The following FCAR variants were observed in gnomAD, a reference collection of about 807,000 sequenced individuals.
The protein encoded by FCAR is immunoglobulin alpha Fc receptor.
A neutral mutation model predicts 27.1 loss-of-function variants in FCAR; 21 were observed. That is an observed-to-expected ratio of 0.77 (90% CI 0.55 to 1.11). The LOEUF is 1.11. FCAR is among the 50% of genes most tolerant of loss of function. The pLI is 0.00. For synonymous variants in FCAR, 134 were observed against 135.8 expected (o/e 0.99, Z 0.09); for missense variants, 404 against 358.4 (o/e 1.13, Z -1.03).
chr19:54,883,574 C>T (rs1269769797), intron 2 of FCAR, among the ~76,000 whole-genome samples: 1 of 152,168 alleles, frequency 6.6e-6, no homozygotes, highest in Non-Finnish European at 1.5e-5. Flanking sequence ...GAGGGCTCCT[C>T]ACGGCTTGGT....
At chr19:54,887,067 G>A (rs2066774806) in intron 3 of FCAR, among the ~76,000 whole-genome samples, 1 of 108,632 alleles carries the variant, frequency 9.2e-6, no homozygotes, top group Non-Finnish European at 2.0e-5. Context: ...TGTAATCCCA[G>A]CACTTTGAGA....
chr19:54,875,039 C>T (rs1411214423), intron 1 of FCAR, among the ~76,000 whole-genome samples: 4 of 151,974 alleles, frequency 2.6e-5, no homozygotes, highest in Admixed American at 6.6e-5. Flanking sequence ...GGCGTGGTGG[C>T]GGGCGCCTGT....
chr19:54,882,737 C>G (rs937827616), intron 2 of FCAR, among the ~76,000 whole-genome samples: 2 of 152,080 alleles, frequency 1.3e-5, no homozygotes, highest in South Asian at 4.1e-4. Context: ...CCGCGCCCGG[C>G]CTTGGTGTTG....
intron 4 of FCAR, 132 bp downstream of exon 4, chr19:54,888,426 G>A: frequency 6.9e-7 from 1 of 1,452,420 alleles, no homozygotes; most frequent in Non-Finnish European, 9.1e-7. Context: ...ACAGTGGAGA[G>A]AGAAAGGCTT....
intron 4 of FCAR, 134 bp downstream of exon 4, chr19:54,888,428 G>T: frequency 6.9e-7 from 1 of 1,450,952 alleles, no homozygotes; most frequent in Non-Finnish European, 9.1e-7. Context: ...AGTGGAGAGA[G>T]AAAGGCTTCC....
intron 3 of FCAR, among the ~76,000 whole-genome samples, chr19:54,886,313 T>A (rs2066724759): frequency 7.2e-6 from 1 of 138,616 alleles, no homozygotes; most frequent in South Asian, 2.4e-4. Context: ...TTTTTTTTTT[T>A]TTTTTTTTTT....
intron 2 of FCAR, among the ~76,000 whole-genome samples, chr19:54,881,672 A>G (rs1375250905): frequency 1.3e-5 from 2 of 151,996 alleles, no homozygotes; most frequent in Non-Finnish European, 2.9e-5. Flanking sequence ...GGAGATCGAG[A>G]CCATCCTGGC....
chr19:54,874,892 C>T (rs549096287), intron 1 of FCAR, among the ~76,000 whole-genome samples: 5 of 152,076 alleles, frequency 3.3e-5, no homozygotes, highest in South Asian at 2.1e-4. Flanking sequence ...TCTTCTTGGC[C>T]GGGCGCAGTG....
chr19:54,889,869 T>C lies in FCAR; in HGVS notation c.*6T>C. The C allele has an allele frequency of 6.3e-7, 1 of 1,594,618 alleles. No individual in the cohort carries two copies. Among genetic ancestry groups the C allele is most frequent in the Non-Finnish European group, 8.5e-7 (1 of 1,174,492 alleles). ...CACCAAGTGTCTGCAAGTAAACACCTGGAGGTGAAGGCAGAGAGGAGCCAG... is the reference window on the plus strand; with the variant it reads ...CACCAAGTGTCTGCAAGTAAACACCCGGAGGTGAAGGCAGAGAGGAGCCAG... On this transcript the variant is annotated 3_prime_UTR_variant, in exon 5 of 5. Coordinates refer to ENST00000355524, the MANE Select transcript of FCAR (RefSeq NM_002000.4).
intron 2 of FCAR, among the ~76,000 whole-genome samples, chr19:54,878,008 C>T (rs1453093439): frequency 2.0e-5 from 3 of 151,450 alleles, no homozygotes; most frequent in South Asian, 2.1e-4. Context: ...CTCCGCCTCC[C>T]AGGTTCACAC....
rs1462789700 is a variant in FCAR, at chr19:54,888,314, G to A, written c.649+20G>A. ...TCACAGGTAGGTACCGCCCAGTCCA[G>A]CCCTGTGTCTGGGTTGGCTGTCCAG... On this transcript the variant is annotated intron_variant, in intron 4 of 4. Transcript: ENST00000355524. 6.2e-7 allele frequency: 1 copy of A among 1,612,534 alleles called. No individual in the cohort carries two copies. The highest frequency in any genetic ancestry group is 8.5e-7 in the Non-Finnish European group (1 of 1,179,240).
intron 2 of FCAR, among the ~76,000 whole-genome samples, chr19:54,878,801 T>G (rs1439440244): frequency 1.3e-5 from 2 of 150,982 alleles, no homozygotes; most frequent in African/African-American, 4.9e-5. Context: ...TTTCTCCATT[T>G]CTTTACTTTG....
chr19:54,886,045 G>A (rs929077480), intron 3 of FCAR, among the ~76,000 whole-genome samples: 1 of 152,088 alleles, frequency 6.6e-6, no homozygotes, highest in African/African-American at 2.4e-5. Context: ...TCAGGAGTTC[G>A]AGACCAGCCT....
At position 54,886,412 on chromosome 19, in the gene FCAR, A is replaced by G. The variant is rs587712793; in HGVS notation, c.361+887A>G. ...AGCTCCAACCTCCCGGGTTCACGCC[A>G]TTCTCCTGCCTCAGCCTCCCGAGTA... On this transcript the variant is annotated intron_variant, in intron 3 of 4. Transcript: ENST00000355524. 1.3e-4 allele frequency among the ~76,000 whole-genome samples: 18 copies of G among 135,816 alleles called. 1 individual carries two copies. In the South Asian group the frequency reaches 4.2e-3, roughly 31 times the overall value. 89.1% of individuals were successfully genotyped at this position (135,816 alleles called of 152,430 possible).
rs758465233 is a variant in FCAR, at chr19:54,885,542, G to T, written c.361+17G>T. On this transcript the variant is annotated intron_variant, in intron 3 of 4. Transcript: ENST00000355524. ...TAGTGACAGGTAAGGAAACATCCAGGGTCCACAGCCCTGGTGTGATTTTTT... is the reference window on the plus strand; with the variant it reads ...TAGTGACAGGTAAGGAAACATCCAGTGTCCACAGCCCTGGTGTGATTTTTT... 3.8e-6 allele frequency: 6 copies of T among 1,584,648 alleles called. No individual in the cohort carries two copies. In the East Asian group the frequency reaches 1.3e-4, roughly 36 times the overall value.
chr19:54,877,939 G>A (rs937642470), intron 2 of FCAR, among the ~76,000 whole-genome samples: 2 of 123,836 alleles, frequency 1.6e-5, no homozygotes, highest in Non-Finnish European at 3.4e-5. Flanking sequence ...TTTTTGAAAT[G>A]GAGTCTTGCT....
At chr19:54,874,960 G>A (rs2066006997) in intron 1 of FCAR, among the ~76,000 whole-genome samples, 1 of 152,056 alleles carries the variant, frequency 6.6e-6, no homozygotes, top group South Asian at 2.1e-4. Context: ...CACAAGGTCA[G>A]GAGATCAAAA....
chr19:54,884,810 T>TTTTG (rs2066610797), intron 2 of FCAR, among the ~76,000 whole-genome samples: 1 of 151,332 alleles, frequency 6.6e-6, no homozygotes, highest in South Asian at 2.1e-4. Flanking sequence ...TTTTAATTTT[T>TTTTG]TTGTTGTTGT....
chr19:54,883,353 C>A (rs2066527512), intron 2 of FCAR, among the ~76,000 whole-genome samples: 1 of 152,112 alleles, frequency 6.6e-6, no homozygotes, highest in African/African-American at 2.4e-5. Flanking sequence ...CTGGTCCATT[C>A]TTGGGCCTTG....
Sources: gnomAD v4.1 joint callset for allele counts (sites outside exome capture counted in the v4.1 genomes callset) on GRCh38, gnomAD v4.1.1 for gene constraint, MANE v1.5 for transcripts, NCBI Gene and HGNC (gene_info 2026-07-23, HGNC 2026-07-21) for gene names.